Variants in DLC1 observed in about 807,000 individuals in gnomAD.
DLC1 encodes DLC1 Rho GTPase activating protein.
DLC1 carries 54 observed loss-of-function variants against 140.3 expected under a neutral mutation model. That is an observed-to-expected ratio of 0.38 (90% confidence interval 0.31 to 0.48). DLC1 has a LOEUF of 0.48. Among genes scored for constraint, DLC1 ranks in the 20% least tolerant of loss-of-function variants. The pLI, the probability that DLC1 is intolerant of heterozygous loss-of-function variation, is 0.96. For synonymous variants in DLC1, 986 were observed against 728.1 expected, an observed-to-expected ratio of 1.35 and a Z score of -5.70; for missense variants, 2,536 against 1,907.0, an observed-to-expected ratio of 1.33 and a Z score of -6.14.
chr8:13,329,069 TC>T (rs1408313013), intron 4 of DLC1, among the ~76,000 whole-genome samples: 5 of 152,110 alleles, frequency 3.3e-5, no homozygotes, highest in African/African-American at 9.7e-5. Flanking sequence ...CATTGATTCA[TC>T]CAATTCATTA....
intron 4 of DLC1, among the ~76,000 whole-genome samples, chr8:13,329,802 C>CT (rs997872564): frequency 8.5e-5 from 13 of 152,218 alleles, no homozygotes; most frequent in African/African-American, 3.1e-4. Context: ...TATTTTCTTT[C>CT]TTTTTGTCCT....
intron 4 of DLC1, among the ~76,000 whole-genome samples, chr8:13,365,096 T>C (rs1835419307): frequency 6.6e-6 from 1 of 152,212 alleles, no homozygotes; most frequent in Non-Finnish European, 1.5e-5. Context: ...ATTCCCGTAG[T>C]ATAGTCCTTA....
intron 4 of DLC1, chr8:13,338,804 T>C (rs914983030): frequency 3.9e-5 from 6 of 152,172 alleles, no homozygotes; most frequent in Admixed American, 3.3e-4. Context: ...TACTCAATTA[T>C]TGAAATAATT....
At chr8:13,282,642 T>A (rs1377606169) in intron 5 of DLC1, among the ~76,000 whole-genome samples, 1 of 152,198 alleles carries the variant, frequency 6.6e-6, no homozygotes, top group Non-Finnish European at 1.5e-5. Context: ...ATTTTAATTC[T>A]TTCTTTTATC....
chr8:13,562,882 G>C (rs1022194861), intron 1 of DLC1, among the ~76,000 whole-genome samples: 2 of 150,152 alleles, frequency 1.3e-5, no homozygotes, highest in Non-Finnish European at 3.0e-5. Context: ...TTGTAAAGTG[G>C]TATCTAGAAT....
At position 13,441,808 on chromosome 8, in the gene DLC1, C is replaced by A. The variant is rs1444077891; in HGVS notation, c.1024-40189G>T. Among the ~76,000 whole-genome samples, 3 of 152,160 alleles carry A rather than the reference C, an allele frequency of 2.0e-5. 1 individual carries two copies. In the South Asian group the frequency reaches 6.2e-4, roughly 32 times the overall value. ...CCCAAGGTAATTTATAGATTCAATG[C>A]CATCCCCATCAAGCTACCAATAACT... On this transcript the variant is annotated intron_variant, in intron 2 of 17. Transcript: ENST00000276297.
At chr8:13,369,110 G>T (rs1255466510) in intron 4 of DLC1, among the ~76,000 whole-genome samples, 1 of 152,066 alleles carries the variant, frequency 6.6e-6, no homozygotes, top group Non-Finnish European at 1.5e-5. Flanking sequence ...GAACATTCAG[G>T]GCAGTGCTAT....
intron 4 of DLC1, among the ~76,000 whole-genome samples, chr8:13,371,148 C>A (rs1458892521): frequency 1.3e-5 from 2 of 152,106 alleles, no homozygotes; most frequent in Admixed American, 1.3e-4. Flanking sequence ...TTTTCCTTGT[C>A]TTTACTCTGT....
intron 5 of DLC1, among the ~76,000 whole-genome samples, chr8:13,193,718 A>T (rs1342644210): frequency 6.6e-6 from 1 of 152,212 alleles, no homozygotes; most frequent in Non-Finnish European, 1.5e-5. Context: ...AGGATGATTC[A>T]ACCTCTTTGA....
At chr8:13,228,228 G>T (rs964618563) in intron 5 of DLC1, among the ~76,000 whole-genome samples, 3 of 151,220 alleles carry the variant, frequency 2.0e-5, no homozygotes, top group Admixed American at 6.6e-5. Context: ...GCAAACAGAT[G>T]GTTCTGAAAT....
chr8:13,195,124 A>G (rs921120855), intron 5 of DLC1, among the ~76,000 whole-genome samples: 12 of 152,222 alleles, frequency 7.9e-5, no homozygotes, highest in African/African-American at 2.9e-4. Flanking sequence ...GCTATTTCTC[A>G]TTTATTTGGC....
At chr8:13,136,053 G>A (rs972735883) in intron 5 of DLC1, among the ~76,000 whole-genome samples, 1 of 152,188 alleles carries the variant, frequency 6.6e-6, no homozygotes, top group African/African-American at 2.4e-5. Flanking sequence ...AATTTGTATA[G>A]CTTTAATTCC....
At chr8:13,565,536 A>C (rs1585280261) in intron 1 of DLC1, among the ~76,000 whole-genome samples, 1 of 152,232 alleles carries the variant, frequency 6.6e-6, no homozygotes, top group East Asian at 1.9e-4. Flanking sequence ...TGGGTTGAAT[A>C]AATGAAGTTG....
chr8:13,177,794 A>G (rs1009209916), intron 5 of DLC1, among the ~76,000 whole-genome samples: 1 of 152,194 alleles, frequency 6.6e-6, no homozygotes, highest in Non-Finnish European at 1.5e-5. Flanking sequence ...CTACACCTGG[A>G]CAGAATGGAA....
chr8:13,492,835 G>A lies in DLC1; in HGVS notation c.1023+6214C>T, dbSNP rs146274473. On this transcript the variant is annotated intron_variant, in intron 2 of 17. Transcript: ENST00000276297. ...GACTTATATTTATTTGTCATGAGAC[G>A]ATATATTTGAGCCCCAAATATCTGC... 4.4e-3 allele frequency among the ~76,000 whole-genome samples: 670 copies of A among 152,202 alleles called. 6 individuals are homozygous for A. The highest frequency in any genetic ancestry group is 0.015 in the African/African-American group (643 of 41,524).
chr8:13,261,969 C>G (rs777184267), intron 5 of DLC1, among the ~76,000 whole-genome samples: 1 of 152,054 alleles, frequency 6.6e-6, no homozygotes, highest in African/African-American at 2.4e-5. Context: ...AGGTGTTTAG[C>G]TTAGATATGA....
chr8:13,239,748 A>G (rs1238422991), intron 5 of DLC1, among the ~76,000 whole-genome samples: 1 of 152,182 alleles, frequency 6.6e-6, no homozygotes, highest in Non-Finnish European at 1.5e-5. Context: ...CAGTGGGGTG[A>G]TATATTAGAA....
Position 13,085,831 on chromosome 8 carries a change from T to C in DLC1, c.4567A>G (p.Lys1523Glu). 2 of 1,614,174 alleles carry C rather than the reference T, an allele frequency of 1.2e-6. No individual in the cohort carries two copies. The highest frequency in any genetic ancestry group is 1.7e-6 in the Non-Finnish European group (2 of 1,180,024). ...DSFSNQNTETKDTKSR is the reference protein window; with the variant it reads ...DSFSNQNTETEDTKSR Reference sequence around the variant, plus strand: ...AGTGATCACCTAGATTTGGTGTCTTTGGTTTCAGTGTTCTGGTTACTGAAG... The same window carrying C: ...AGTGATCACCTAGATTTGGTGTCTTCGGTTTCAGTGTTCTGGTTACTGAAG... The change falls in exon 18 of 18, where the codon AAA becomes GAA. Residue 1523 changes from lysine (K) to glutamate (E), a missense_variant. By Grantham distance (56) the Lys-to-Glu change is moderately conservative. Coordinates refer to ENST00000276297, the MANE Select transcript of DLC1 (RefSeq NM_182643.3).
At chr8:13,313,829 G>A (rs117499881) in intron 4 of DLC1, among the ~76,000 whole-genome samples, 1 of 151,916 alleles carries the variant, frequency 6.6e-6, no homozygotes, top group Admixed American at 6.6e-5. Flanking sequence ...ATAAAGCTCA[G>A]TGTGGAGGAT....
Sources: allele counts gnomAD v4.1 joint callset (sites outside exome capture counted in the v4.1 genomes callset), GRCh38; gene constraint gnomAD v4.1.1; transcripts MANE v1.5; gene names NCBI Gene and HGNC (gene_info 2026-07-23, HGNC 2026-07-21).